The following SHROOM3 variants were observed in gnomAD, a reference collection of about 807,000 sequenced individuals.
SHROOM3 encodes the protein protein Shroom3.
A neutral mutation model predicts 138.6 loss-of-function variants in SHROOM3; 47 were observed. The ratio of observed to expected loss-of-function variants is 0.34; its 90% confidence interval spans 0.27 to 0.43. The LOEUF is 0.43. Among genes scored for constraint, SHROOM3 ranks in the 20% least tolerant of loss-of-function variants. The pLI is 1.00. For synonymous variants in SHROOM3, 1,062 were observed against 1,063.3 expected, an observed-to-expected ratio of 1.00 and a Z score of 0.02; for missense variants, 2,491 against 2,596.5, an observed-to-expected ratio of 0.96 and a Z score of 0.88.
intron 2 of SHROOM3, among the ~76,000 whole-genome samples, chr4:76,577,774 T>G (rs1014761726): frequency 3.3e-5 from 5 of 152,206 alleles, no homozygotes; most frequent in African/African-American, 1.2e-4. Context: ...TCCATTTCCA[T>G]GCTGCATACA....
chr4:76,693,370 G>T (rs370529144), intron 2 of SHROOM3, among the ~76,000 whole-genome samples: 3,131 of 79,594 alleles, frequency 0.039, 245 homozygotes, highest in African/African-American at 0.14. Flanking sequence ...TGATAAGTTT[G>T]TTTTTTTTTT....
intron 2 of SHROOM3, among the ~76,000 whole-genome samples, chr4:76,652,023 G>T (rs1178122876): frequency 1.3e-5 from 2 of 152,112 alleles, no homozygotes; most frequent in African/African-American, 4.8e-5. Context: ...TACCTAAGGG[G>T]CCCAGGATGC....
chr4:76,612,865 A>G (rs1325431563), intron 2 of SHROOM3, among the ~76,000 whole-genome samples: 1 of 152,196 alleles, frequency 6.6e-6, no homozygotes, highest in Non-Finnish European at 1.5e-5. Flanking sequence ...ACTTGAAGCC[A>G]GGAGTTTGAG....
At position 76,781,229 on chromosome 4, in the gene SHROOM3, G is replaced by A. The variant is rs941415533; in HGVS notation, c.*2052G>A. Reference sequence around the variant, plus strand: ...TGCAGTCTGAACCTCTGAGGCTCAAGCCATCCTCCCATCTCAGCCTCCCAA... The same window carrying A: ...TGCAGTCTGAACCTCTGAGGCTCAAACCATCCTCCCATCTCAGCCTCCCAA... On this transcript the variant is annotated 3_prime_UTR_variant, in exon 11 of 11. Transcript: ENST00000296043. 2.6e-5 allele frequency: 4 copies of A among 152,254 alleles called. No individual in the cohort carries two copies. The highest frequency in any genetic ancestry group is 7.2e-5 in the African/African-American group (3 of 41,444). The allele number at this position is 152,254 out of a possible 1,614,324, so 9.4% of individuals were successfully genotyped here.
At chr4:76,477,261 A>G (rs28552812) in intron 1 of SHROOM3, among the ~76,000 whole-genome samples, 7,344 of 152,102 alleles carry the variant, frequency 0.048, 205 homozygotes, top group Middle Eastern at 0.075. Flanking sequence ...GAGCCACCAC[A>G]CCCGGCCTAT....
In SHROOM3 at chr4:76,741,587, C is replaced by T. The variant is rs567792182; in HGVS notation, c.3414C>T (p.Ser1138=). ...GCTCCGGCCTCGCCTCGGCCTCCAGCTTGAGCTCACTGCGGGAGCCCAGCC... is the reference window on the plus strand; with the variant it reads ...GCTCCGGCCTCGCCTCGGCCTCCAGTTTGAGCTCACTGCGGGAGCCCAGCC... The part of the protein sequence containing the change: ...LEGSGLASAS[S]LSSLREPSLQ... Residue 1138 remains serine, a synonymous_variant, in exon 5 of 11, where the codon AGC becomes AGT. Coordinates refer to ENST00000296043, the MANE Select transcript of SHROOM3 (RefSeq NM_020859.4). The surrounding 1 kb of genome is among the most constrained non-coding windows in gnomAD (Gnocchi z 6.2). 6.9e-5 allele frequency: 107 copies of T among 1,540,674 alleles called. No homozygotes were observed. In the African/African-American group the frequency reaches 1.4e-3, roughly 20 times the overall value.
chr4:76,781,824 G>GC lies in SHROOM3; in HGVS notation c.*2649dup, dbSNP rs1203099749. 4 of 152,110 alleles carry GC rather than the reference G, an allele frequency of 2.6e-5. No individual in the cohort carries two copies. The highest frequency in any genetic ancestry group is 4.4e-5 in the Non-Finnish European group (3 of 68,028). The allele number at this position is 152,110 out of a possible 1,614,324, so 9.4% of individuals were successfully genotyped here. ...CTTCTTTCTCCCAACAGTATCCTTT[G>GC]CCAAGACCATGAGAACAGTAAGGAG... On this transcript the variant is annotated 3_prime_UTR_variant, in exon 11 of 11. Transcript: ENST00000296043.
intron 1 of SHROOM3, among the ~76,000 whole-genome samples, chr4:76,461,250 G>A (rs1249336059): frequency 1.3e-5 from 2 of 152,058 alleles, no homozygotes; most frequent in African/African-American, 4.8e-5. Flanking sequence ...ATTGACTCTA[G>A]TATCATACAA....
intron 1 of SHROOM3, among the ~76,000 whole-genome samples, chr4:76,481,903 C>A (rs1011247716): frequency 6.6e-6 from 1 of 152,106 alleles, no homozygotes; most frequent in Non-Finnish European, 1.5e-5. Context: ...ATGACAAAAA[C>A]CACATGATTA....
At chr4:76,748,371 C>G (rs900568932) in intron 5 of SHROOM3, among the ~76,000 whole-genome samples, 1 of 152,134 alleles carries the variant, frequency 6.6e-6, no homozygotes, top group Non-Finnish European at 1.5e-5. Flanking sequence ...TCATCTTCAT[C>G]ATGGACCTGA....
chr4:76,453,492 C>A (rs1329826773), intron 1 of SHROOM3, among the ~76,000 whole-genome samples: 1 of 151,978 alleles, frequency 6.6e-6, no homozygotes, highest in Non-Finnish European at 1.5e-5. Flanking sequence ...GTTGCCCAGG[C>A]TGGTCTCGAA....
intron 1 of SHROOM3, among the ~76,000 whole-genome samples, chr4:76,536,196 C>T (rs1031689816): frequency 1.1e-4 from 17 of 152,122 alleles, no homozygotes; most frequent in Admixed American, 6.5e-4. Flanking sequence ...GTTTATGCCT[C>T]CTGAGATGCA....
intron 9 of SHROOM3, among the ~76,000 whole-genome samples, chr4:76,767,389 C>T (rs1486144315): frequency 1.3e-5 from 2 of 152,268 alleles, no homozygotes; most frequent in Admixed American, 6.5e-5. Flanking sequence ...TTTAAAATAC[C>T]AGCCTCTGGC....
At chr4:76,703,337 A>C (rs1176580802) in intron 2 of SHROOM3, among the ~76,000 whole-genome samples, 1 of 152,204 alleles carries the variant, frequency 6.6e-6, no homozygotes, top group Non-Finnish European at 1.5e-5. Flanking sequence ...ATGAGTAATG[A>C]GAGGACAGGA....
In SHROOM3 at chr4:76,756,773, A is replaced by G. The variant is rs141161650; in HGVS notation, c.5034A>G (p.Gln1678=). ...TEALAKEIVH[Q]DKSLADILDP... is the part of the protein sequence containing the mutation. Reference sequence around the variant, plus strand: ...CTTTGGCCAAGGAAATTGTCCACCAAGACAAATCTCTAGCAGACATTTTGG... The same window carrying G: ...CTTTGGCCAAGGAAATTGTCCACCAGGACAAATCTCTAGCAGACATTTTGG... Residue 1678 remains glutamine, a synonymous_variant, in exon 8 of 11, where the codon CAA becomes CAG. Transcript: ENST00000296043. 18 of 1,614,088 alleles carry G rather than the reference A, an allele frequency of 1.1e-5. No individual in the cohort carries two copies. In the African/African-American group the frequency reaches 1.9e-4, roughly 17 times the overall value.
chr4:76,441,055 A>C (rs1049621103), intron 1 of SHROOM3, among the ~76,000 whole-genome samples: 3 of 134,230 alleles, frequency 2.2e-5, no homozygotes, highest in African/African-American at 8.2e-5. Context: ...TCATTTTACC[A>C]GTTCTTCAGC....
At chr4:76,770,052 G>C (rs908032525) in intron 9 of SHROOM3, among the ~76,000 whole-genome samples, 1 of 152,192 alleles carries the variant, frequency 6.6e-6, no homozygotes, top group African/African-American at 2.4e-5. Context: ...GCCAGGCACA[G>C]TGGCTTATGC....
At chr4:76,670,997 C>T (rs1718865019) in intron 2 of SHROOM3, among the ~76,000 whole-genome samples, 1 of 152,068 alleles carries the variant, frequency 6.6e-6, no homozygotes, top group East Asian at 1.9e-4. Flanking sequence ...TTAACAAGAC[C>T]TATCCACTCC....
At position 76,740,345 on chromosome 4, in the gene SHROOM3, G is replaced by A. The variant is rs1219188180; in HGVS notation, c.2172G>A (p.Arg724=). Residue 724 remains arginine, a synonymous_variant, in exon 5 of 11, where the codon CGG becomes CGA. Coordinates refer to ENST00000296043, the MANE Select transcript of SHROOM3 (RefSeq NM_020859.4). The surrounding 1 kb of genome is among the most constrained non-coding windows in gnomAD (Gnocchi z 4.0). The part of the protein sequence containing the change: ...SHLDRQVSYP[R]PEGRTGASAS... ...TGGACCGGCAGGTTTCCTACCCGCG[G>A]CCCGAGGGGAGGACCGGTGCCTCGG... 1 of 1,613,074 alleles carries A rather than the reference G, an allele frequency of 6.2e-7. No individual in the cohort carries two copies. The highest frequency in any genetic ancestry group is 8.5e-7 in the Non-Finnish European group (1 of 1,180,022).
Sources: gnomAD v4.1 joint callset for allele counts (sites outside exome capture counted in the v4.1 genomes callset) on GRCh38, gnomAD v4.1.1 for gene constraint, Gnocchi (gnomAD v3.1) non-coding constraint, MANE v1.5 for transcripts, NCBI Gene and HGNC (gene_info 2026-07-23, HGNC 2026-07-21) for gene names.